The following MYO1B variants were observed in gnomAD, a reference collection of about 807,000 sequenced individuals.
MYO1B encodes unconventional myosin-Ib.
A neutral mutation model predicts 159.7 loss-of-function variants in MYO1B; 72 were observed. The ratio of observed to expected loss-of-function variants is 0.45; its 90% confidence interval spans 0.37 to 0.55. The LOEUF (loss-of-function observed/expected upper bound fraction) is 0.55. MYO1B is among the 20% of genes least tolerant of loss of function. The probability of loss-of-function intolerance (pLI) is 0.00; values close to 1 mark genes in which losing one functional copy is unlikely to be tolerated. For synonymous variants in MYO1B, 468 were observed against 473.8 expected (o/e 0.99, Z 0.16); for missense variants, 1,062 against 1,364.8 (o/e 0.78, Z 3.50).
At chr2:191,246,063 C>T (rs1294557558) in intron 1 of MYO1B, 1 of 152,310 alleles carries the variant, frequency 6.6e-6, no homozygotes, top group Non-Finnish European at 1.5e-5. Context: ...AATGGGGCGT[C>T]CTGGGGAGTG....
rs771579184 is a variant in MYO1B, at chr2:191,295,109, A to G, written c.136-1002A>G. On this transcript the variant is annotated intron_variant, in intron 2 of 30. Transcript: ENST00000392318. ...ATGAACCTTTTTCTTTTTAAAAGTT[A>G]TATCGCTCATCACTTTATCACTTAG... Among the ~76,000 whole-genome samples the G allele has an allele frequency of 2.6e-5, 4 of 152,232 alleles. No individual in the cohort carries two copies. The South Asian group carries it at 6.2e-4, about 24-fold the overall frequency.
At chr2:191,383,025 C>G (rs1695133180) in intron 14 of MYO1B, among the ~76,000 whole-genome samples, 1 of 152,084 alleles carries the variant, frequency 6.6e-6, no homozygotes, top group Non-Finnish European at 1.5e-5. Flanking sequence ...GAAATTGCTG[C>G]AGATGGGAGA....
intron 1 of MYO1B, among the ~76,000 whole-genome samples, chr2:191,266,715 T>A (rs1687162823): frequency 6.6e-6 from 1 of 152,200 alleles, no homozygotes; most frequent in Admixed American, 6.5e-5. Flanking sequence ...TCTCTCTCCT[T>A]GCTCTTTAAT....
At chr2:191,402,584 C>A in intron 23 of MYO1B, 48 bp from the exon 24 acceptor site, 1 of 1,491,372 alleles carries the variant, frequency 6.7e-7, no homozygotes, top group Non-Finnish European at 9.3e-7. Flanking sequence ...GTCATTTGTG[C>A]TGTCTGCATT....
intron 5 of MYO1B, 24 bp from the exon 6 acceptor site, chr2:191,346,212 A>G (rs1447323383): frequency 7.2e-6 from 11 of 1,527,592 alleles, no homozygotes; most frequent in Non-Finnish European, 9.8e-6. Flanking sequence ...TTTTTTAACC[A>G]TACATCTGTT....
chr2:191,359,779 T>C (rs1693547694), intron 7 of MYO1B, among the ~76,000 whole-genome samples: 1 of 152,222 alleles, frequency 6.6e-6, no homozygotes, highest in Admixed American at 6.5e-5. Flanking sequence ...ATAATGACAT[T>C]ACTAATTTGG....
chr2:191,369,694 A>C, intron 12 of MYO1B, 66 bp downstream of exon 12: 2 of 1,213,480 alleles, frequency 1.6e-6, no homozygotes, highest in Non-Finnish European at 2.4e-6. Context: ...CATTAAGTTG[A>C]AGAAAGTTTA....
intron 1 of MYO1B, among the ~76,000 whole-genome samples, chr2:191,252,698 C>A (rs1397601992): frequency 1.3e-5 from 2 of 152,154 alleles, no homozygotes; most frequent in African/African-American, 4.8e-5. Context: ...AAACTGACTC[C>A]AAGTTGTAAC....
chr2:191,316,197 A>G (rs1433933413), intron 3 of MYO1B, among the ~76,000 whole-genome samples: 3 of 152,186 alleles, frequency 2.0e-5, no homozygotes, highest in Admixed American at 6.5e-5. Flanking sequence ...AGAGTACACA[A>G]TTTCCACTGC....
intron 1 of MYO1B, chr2:191,246,388 T>TA (rs1685796447): frequency 1.3e-5 from 2 of 152,178 alleles, no homozygotes; most frequent in African/African-American, 4.8e-5. Flanking sequence ...ACACACAACA[T>TA]TTTGTTCAAG....
intron 30 of MYO1B, among the ~76,000 whole-genome samples, chr2:191,417,998 T>G (rs1322562052): frequency 6.6e-6 from 1 of 152,212 alleles, no homozygotes; most frequent in Non-Finnish European, 1.5e-5. Flanking sequence ...AAGCTTTCAG[T>G]AAACAGTTGT....
intron 21 of MYO1B, among the ~76,000 whole-genome samples, chr2:191,399,658 G>T (rs1696482936): frequency 6.6e-6 from 1 of 152,174 alleles, no homozygotes; most frequent in Non-Finnish European, 1.5e-5. Flanking sequence ...GTAGACGCTG[G>T]GTCCCGAGTC....
At chr2:191,417,380 G>C (rs1462452343) in intron 30 of MYO1B, among the ~76,000 whole-genome samples, 1 of 152,140 alleles carries the variant, frequency 6.6e-6, no homozygotes, top group Admixed American at 6.5e-5. Flanking sequence ...AAAAATAATG[G>C]TTGGTGTGTT....
Position 191,341,569 on chromosome 2 carries a change from G to A in MYO1B, c.451+4G>A. 6.2e-7 allele frequency: 1 copy of A among 1,610,638 alleles called. No individual in the cohort carries two copies. ...CAGTCCAACCCGGTCCTGGAAGGTAGGATGTGTTATGTTCATTAAGTCGGT... is the reference window on the plus strand; with the variant it reads ...CAGTCCAACCCGGTCCTGGAAGGTAAGATGTGTTATGTTCATTAAGTCGGT... On this transcript the variant is annotated splice_donor_region_variant and intron_variant, in intron 5 of 30. Transcript: ENST00000392318.
chr2:191,322,700 C>T (rs1482328516), intron 3 of MYO1B, among the ~76,000 whole-genome samples: 1 of 152,120 alleles, frequency 6.6e-6, no homozygotes, highest in African/African-American at 2.4e-5. Context: ...GATGTGAACT[C>T]CTGAAATAAT....
chr2:191,397,942 C>CAGGG (rs1553562358), intron 21 of MYO1B, among the ~76,000 whole-genome samples: 6 of 55,896 alleles, frequency 1.1e-4, no homozygotes, highest in Non-Finnish European at 9.0e-5. Flanking sequence ...GCTGGCCGGG[C>CAGGG]GGGCCGACCC....
chr2:191,381,965 G>A (rs377398451), intron 14 of MYO1B, among the ~76,000 whole-genome samples: 1 of 152,092 alleles, frequency 6.6e-6, no homozygotes, highest in Non-Finnish European at 1.5e-5. Flanking sequence ...AGTAAAAATA[G>A]GTAACAGTTA....
chr2:191,303,923 C>T (rs1224677568), intron 3 of MYO1B, among the ~76,000 whole-genome samples: 1 of 152,140 alleles, frequency 6.6e-6, no homozygotes, highest in African/African-American at 2.4e-5. Context: ...ATGACACCAT[C>T]TTGAAAATAG....
intron 3 of MYO1B, among the ~76,000 whole-genome samples, chr2:191,299,390 T>C (rs890141798): frequency 6.6e-6 from 1 of 152,156 alleles, no homozygotes; most frequent in Admixed American, 6.5e-5. Flanking sequence ...TCTCATTCCC[T>C]CCCATCTTGC....
Sources: gnomAD v4.1 joint callset for allele counts (sites outside exome capture counted in the v4.1 genomes callset) on GRCh38, gnomAD v4.1.1 for gene constraint, MANE v1.5 for transcripts, NCBI Gene and HGNC (gene_info 2026-07-23, HGNC 2026-07-21) for gene names.